DCAF10: variants seen among roughly 807,000 people sequenced by gnomAD.
DCAF10 encodes DDB1- and CUL4-associated factor 10.
In DCAF10, 19 loss-of-function variants were observed where a neutral mutation model predicts 51.9. The observed-to-expected ratio is 0.37, with a 90% CI of 0.26 to 0.54. DCAF10 has a LOEUF of 0.54. Ranked by LOEUF, DCAF10 falls within the 20% of genes least tolerant of loss-of-function variation. The probability of loss-of-function intolerance (pLI) is 0.87; values close to 1 mark genes in which losing one functional copy is unlikely to be tolerated. For synonymous variants in DCAF10, 291 were observed against 297.1 expected (o/e 0.98, Z 0.21); for missense variants, 510 against 730.6 (o/e 0.70, Z 3.48).
intron 2 of DCAF10, among the ~76,000 whole-genome samples, chr9:37,820,241 G>A (rs909553541): frequency 6.6e-6 from 1 of 152,104 alleles, no homozygotes; most frequent in Non-Finnish European, 1.5e-5. Context: ...AGTACAAAAA[G>A]TATAGCCAGG....
chr9:37,819,359 A>C lies in DCAF10; in HGVS notation c.611A>C (p.Lys204Thr). The part of the protein sequence containing the change: ...LFDPISSKHI[K>T]TLSEAHEDCV... ...GACCCTATATCTTCAAAGCACATAA[A>C]AACACTTTCTGAAGCTCATGAAGAC... Residue 204 changes from lysine (K) to threonine (T), a missense_variant, in exon 2 of 7, where the codon AAA becomes ACA. This residue lies in a region of DCAF10 where 126 missense variants were observed against 271.5 expected (regional missense o/e 0.46). Coordinates refer to ENST00000377724, the MANE Select transcript of DCAF10 (RefSeq NM_024345.5). 6.2e-7 allele frequency: 1 copy of C among 1,613,886 alleles called. No individual in the cohort carries two copies. The highest frequency in any genetic ancestry group is 8.5e-7 in the Non-Finnish European group (1 of 1,179,868).
intron 6 of DCAF10, 80 bp downstream of exon 6, chr9:37,860,273 C>T (rs930497974): frequency 3.7e-5 from 57 of 1,557,058 alleles, no homozygotes; most frequent in Middle Eastern, 1.8e-4. Context: ...TTAGGCCGAT[C>T]GCTGACTGCA....
intron 2 of DCAF10, chr9:37,836,112 A>T: frequency 7.8e-7 from 1 of 1,276,064 alleles, no homozygotes; most frequent in Non-Finnish European, 1.1e-6. Context: ...TATCTCTATT[A>T]AAGTACACGA....
chr9:37,816,659 G>GGTGTGTGTGTGTGTGTGTGTGTGT (rs1554685707), intron 1 of DCAF10, among the ~76,000 whole-genome samples: 6 of 144,982 alleles, frequency 4.1e-5, no homozygotes, highest in African/African-American at 7.5e-5. Context: ...CTGCACCTGG[G>GGTGTGTGTGTGTGTGTGTGTGTGT]GTGTGTGTGT....
intron 2 of DCAF10, among the ~76,000 whole-genome samples, chr9:37,840,796 C>T (rs1023166769): frequency 2.0e-5 from 3 of 152,196 alleles, no homozygotes; most frequent in Non-Finnish European, 4.4e-5. Flanking sequence ...GCAACTCCCA[C>T]GCCTGCAAGC....
chr9:37,844,222 T>C (rs1030422490), intron 3 of DCAF10, among the ~76,000 whole-genome samples: 3 of 152,228 alleles, frequency 2.0e-5, no homozygotes, highest in Admixed American at 6.5e-5. Context: ...CTTATCTAGA[T>C]AAGATAGACA....
rs758752113 is a variant in DCAF10 at position 37,800,989 on chromosome 9, G to T, written c.123G>T (p.Gly41=). 25 of 1,532,400 alleles carry T rather than the reference G, an allele frequency of 1.6e-5. 1 individual carries two copies. In the South Asian group the frequency reaches 2.3e-4, roughly 14 times the overall value. 94.9% of individuals were successfully genotyped at this position (1,532,400 alleles called of 1,614,324 possible). The change falls in exon 1 of 7, where the codon GGG becomes GGT. Residue 41 remains glycine (G), a synonymous_variant. Coordinates refer to ENST00000377724, the MANE Select transcript of DCAF10 (RefSeq NM_024345.5). ...ATGPPSPLHP[G]ADATHPPPPA... ...GGCCGCCCTCGCCACTACATCCCGG[G>T]GCTGATGCGACCCATCCCCCTCCAC...
intron 2 of DCAF10, among the ~76,000 whole-genome samples, chr9:37,839,593 AATCCATAATGT>A (rs1830273353): frequency 6.6e-6 from 1 of 152,088 alleles, no homozygotes; most frequent in African/African-American, 2.4e-5. Context: ...CCATAGAATA[AATCCATAATGT>A]ATTCCCTAGT....
chr9:37,843,384 G>A (rs1332750768), intron 3 of DCAF10, among the ~76,000 whole-genome samples: 4 of 152,140 alleles, frequency 2.6e-5, no homozygotes, highest in Non-Finnish European at 5.9e-5. Flanking sequence ...GAGATTTCTA[G>A]CTACCCATAC....
intron 2 of DCAF10, among the ~76,000 whole-genome samples, chr9:37,837,472 A>AG (rs1830203018): frequency 7.2e-6 from 1 of 138,902 alleles, no homozygotes; most frequent in Non-Finnish European, 1.6e-5. Flanking sequence ...AAAAAAAAAA[A>AG]AAAGAAAAGA....
chr9:37,849,984 A>T (rs571140900), intron 3 of DCAF10, among the ~76,000 whole-genome samples: 85 of 152,280 alleles, frequency 5.6e-4, no homozygotes, highest in African/African-American at 1.9e-3. Context: ...CCTTGAGCCC[A>T]GGAGTTCAAG....
intron 1 of DCAF10, among the ~76,000 whole-genome samples, chr9:37,810,140 G>A (rs368274228): frequency 2.6e-4 from 39 of 150,568 alleles, no homozygotes; most frequent in East Asian, 9.7e-4. Context: ...CAACGAGAGC[G>A]AAACTCCATC....
upstream of DCAF10, chr9:37,800,641 C>A (rs1469534283): frequency 2.6e-6 from 4 of 1,536,142 alleles, no homozygotes; most frequent in Non-Finnish European, 3.5e-6. Context: ...CTCAGTCGCT[C>A]ACACAGGTAA....
At chr9:37,828,362 C>A (rs1391071328) in intron 2 of DCAF10, among the ~76,000 whole-genome samples, 1 of 147,434 alleles carries the variant, frequency 6.8e-6, no homozygotes, top group Non-Finnish European at 1.5e-5. Context: ...TGGCACACAC[C>A]TGTAGTTCCA....
rs779444479 is a variant in DCAF10, at chr9:37,854,836, G to A, written c.908G>A (p.Arg303Gln). 6.2e-7 allele frequency: 1 copy of A among 1,614,014 alleles called. No homozygotes were observed. The highest frequency in any genetic ancestry group is 8.5e-7 in the Non-Finnish European group (1 of 1,179,982). ...TTCTTTCACACACGTTTTCTCATGCGAATGAGGTTAACACCAGATTGTTCC... is the reference window on the plus strand; with the variant it reads ...TTCTTTCACACACGTTTTCTCATGCAAATGAGGTTAACACCAGATTGTTCC... ...KKFFHTRFLM[R>Q]MRLTPDCSKM... Residue 303 changes from arginine to glutamine, a missense_variant, in exon 4 of 7, where the codon CGA (arginine) becomes CAA (glutamine). This residue lies in a region of DCAF10 where 126 missense variants were observed against 271.5 expected (regional missense o/e 0.46). Coordinates refer to ENST00000377724, the MANE Select transcript of DCAF10 (RefSeq NM_024345.5).
intron 2 of DCAF10, 108 bp from the exon 3 acceptor site, chr9:37,841,981 C>G: frequency 1.9e-6 from 2 of 1,036,866 alleles, no homozygotes; most frequent in Non-Finnish European, 2.8e-6. Context: ...GTGTGTAGTC[C>G]TTTTTTTCTT....
At chr9:37,812,519 A>C (rs1829380526) in intron 1 of DCAF10, among the ~76,000 whole-genome samples, 1 of 152,270 alleles carries the variant, frequency 6.6e-6, no homozygotes, top group Non-Finnish European at 1.5e-5. Flanking sequence ...AGATCTACAC[A>C]GAAACAGGTA....
intron 2 of DCAF10, among the ~76,000 whole-genome samples, chr9:37,840,622 GT>G (rs1482675649): frequency 1.3e-5 from 2 of 152,118 alleles, no homozygotes; most frequent in African/African-American, 2.4e-5. Flanking sequence ...AATTCATGAA[GT>G]AAAAAAAGTT....
chr9:37,842,162 A>G lies in DCAF10; in HGVS notation c.727A>G (p.Asn243Asp). 1 of 1,614,028 alleles carries G rather than the reference A, an allele frequency of 6.2e-7. No individual in the cohort carries two copies. Among genetic ancestry groups the G allele is most frequent in the Non-Finnish European group, 8.5e-7 (1 of 1,179,950 alleles). Residue 243 changes from asparagine to aspartate, a missense_variant, in exon 3 of 7, where the codon AAC (asparagine) becomes GAC (aspartate). Coordinates refer to ENST00000377724, the MANE Select transcript of DCAF10 (RefSeq NM_024345.5). ...AGCACTATGGGATCTGAGAAAATTG[A>G]ACACCAAAGTATGCACTTTACATGG... ...TIALWDLRKLNTKVCTLHGHT... is the reference protein window; with the variant it reads ...TIALWDLRKLDTKVCTLHGHT...
Sources: gnomAD v4.1 joint callset for allele counts (sites outside exome capture counted in the v4.1 genomes callset) on GRCh38, gnomAD v4.1.1 for gene constraint, gnomAD v4.1.1 regional missense constraint, MANE v1.5 for transcripts, NCBI Gene and HGNC (gene_info 2026-07-23, HGNC 2026-07-21) for gene names.